Variants in SKI observed in about 807,000 individuals in gnomAD.
The protein encoded by SKI is ski oncogene.
A neutral mutation model predicts 59.3 loss-of-function variants in SKI; 23 were observed. That is an observed-to-expected ratio of 0.39 (90% CI 0.28 to 0.55). The LOEUF (loss-of-function observed/expected upper bound fraction) is 0.55. Among genes scored for constraint, SKI ranks in the 20% least tolerant of loss-of-function variants. SKI has a pLI of 0.67. For missense variants in SKI, 1,017 were observed against 1,038.9 expected, an observed-to-expected ratio of 0.98 and a Z score of 0.29; for synonymous variants, 673 against 488.6, an observed-to-expected ratio of 1.38 and a Z score of -4.98.
chr1:2,300,890 C>A (rs1640408107), intron 1 of SKI, among the ~76,000 whole-genome samples: 1 of 152,180 alleles, frequency 6.6e-6, no homozygotes, highest in African/African-American at 2.4e-5. Context: ...GCTCGGGGCC[C>A]CGGGCCTACG....
intron 5 of SKI, among the ~76,000 whole-genome samples, chr1:2,305,651 CAGAT>C (rs1410693246): frequency 2.0e-5 from 3 of 152,134 alleles, no homozygotes; most frequent in Non-Finnish European, 4.4e-5. Context: ...CCGGGGCCCT[CAGAT>C]GGTGCGATGT....
rs1327561382 is a variant in SKI at position 2,229,510 on chromosome 1, G to C, written c.744G>C (p.Leu248=). The C allele has an allele frequency of 6.2e-7, 1 of 1,611,678 alleles. No homozygotes were observed. ...CGAGCGCCGCCTGCATCCAGTGCCT[G>C]GACTGCCGCCTCATGTACCCGCCGC... ...SSPSAACIQC[L]DCRLMYPPHK... is the part of the protein sequence containing the mutation. The change falls in exon 1 of 7, where the codon CTG becomes CTC. Residue 248 remains leucine (L), a synonymous_variant. Coordinates refer to ENST00000378536, the MANE Select transcript of SKI (RefSeq NM_003036.4). This position sits in a 1 kb window ranked among gnomAD's most constrained non-coding sequence, Gnocchi z 6.3.
At chr1:2,273,299 G>A (rs1023682244) in intron 1 of SKI, among the ~76,000 whole-genome samples, 1 of 152,008 alleles carries the variant, frequency 6.6e-6, no homozygotes, top group African/African-American at 2.4e-5. Flanking sequence ...TGTCCTGGCC[G>A]GCCACTCCTC....
In SKI at chr1:2,302,553, G is replaced by A. The variant is rs563251444; in HGVS notation, c.970-425G>A. ...TGGCTGGTTGAGCTGAGTGCCCAGCGCTGGGCACCCTCTGAGGACACACTC... is the reference window on the plus strand; with the variant it reads ...TGGCTGGTTGAGCTGAGTGCCCAGCACTGGGCACCCTCTGAGGACACACTC... On this transcript the variant is annotated intron_variant, in intron 1 of 6. Coordinates refer to ENST00000378536, the MANE Select transcript of SKI (RefSeq NM_003036.4). Among the ~76,000 whole-genome samples the A allele has an allele frequency of 3.9e-5, 6 of 152,100 alleles. No individual in the cohort carries two copies. In the South Asian group the frequency reaches 8.3e-4, roughly 21 times the overall value.
At chr1:2,305,226 T>C (rs1640539677) in intron 5 of SKI, among the ~76,000 whole-genome samples, 1 of 152,128 alleles carries the variant, frequency 6.6e-6, no homozygotes, top group Non-Finnish European at 1.5e-5. Flanking sequence ...CCTTTTACGT[T>C]GTTTAGGTTT....
Position 2,228,949 on chromosome 1 carries a change from G to GGCGCCGGTGCCC in SKI, c.186_197dup (p.Pro63_Ala66dup). 1.4e-6 allele frequency: 2 copies of GGCGCCGGTGCCC among 1,395,612 alleles called. No homozygotes were observed. Among genetic ancestry groups the GGCGCCGGTGCCC allele is most frequent in the Non-Finnish European group, 1.9e-6 (2 of 1,076,254 alleles). 86.5% of individuals were successfully genotyped at this position (1,395,612 alleles called of 1,614,324 possible). A position where few individuals can be genotyped will look rare whatever the true frequency, so the allele number is the denominator to read the frequency against. ...AGGAGGCGGGCGCGGCCGCGGTGCC[G>GGCGCCGGTGCCC]GCGCCGGTGCCCGCAGCCACCGAGC... On this transcript the variant is annotated inframe_insertion, in exon 1 of 7. Coordinates refer to ENST00000378536, the MANE Select transcript of SKI (RefSeq NM_003036.4).
intron 1 of SKI, among the ~76,000 whole-genome samples, chr1:2,277,545 C>T (rs1025936078): frequency 6.6e-6 from 1 of 152,222 alleles, no homozygotes; most frequent in South Asian, 2.1e-4. Flanking sequence ...TCTGAGGCTT[C>T]CCCAGCCATG....
chr1:2,306,791 G>C lies in SKI; in HGVS notation c.*26G>C. The stretch of plus-strand genomic sequence containing the variant: ...ATTCCGTGCCTGCCGCCGCAGCGCC[G>C]CCGACAACGCGGGTGCAGGGGGGCG... On this transcript the variant is annotated 3_prime_UTR_variant, in exon 7 of 7. Coordinates refer to ENST00000378536, the MANE Select transcript of SKI (RefSeq NM_003036.4). The C allele has an allele frequency of 6.8e-7, 1 of 1,468,154 alleles. No homozygotes were observed. The highest frequency in any genetic ancestry group is 9.0e-7 in the Non-Finnish European group (1 of 1,112,402). The allele number at this position is 1,468,154 out of a possible 1,614,324, so 90.9% of individuals were successfully genotyped here.
chr1:2,303,621 GC>G lies in SKI; in HGVS notation c.1212-218del. ...TCGTGGGTGGAGCCCTGTCTGCTGG[GC>G]GCAGCTTCTTGATGTGTTGGCCTGT... On this transcript the variant is annotated intron_variant, in intron 3 of 6. Coordinates refer to ENST00000378536, the MANE Select transcript of SKI (RefSeq NM_003036.4). This position sits in a 1 kb window ranked among gnomAD's most constrained non-coding sequence, Gnocchi z 5.6. The G allele has an allele frequency of 1.4e-6, 1 of 710,434 alleles. No individual in the cohort carries two copies. Among genetic ancestry groups the G allele is most frequent in the African/African-American group, 1.8e-5 (1 of 56,150 alleles). 44.0% of individuals were successfully genotyped at this position (710,434 alleles called of 1,614,324 possible). A position where few individuals can be genotyped will look rare whatever the true frequency, so the allele number is the denominator to read the frequency against.
At chr1:2,255,671 G>C (rs764637720) in intron 1 of SKI, among the ~76,000 whole-genome samples, 1 of 151,294 alleles carries the variant, frequency 6.6e-6, no homozygotes, top group Non-Finnish European at 1.5e-5. Flanking sequence ...CTCATTTCCT[G>C]TCTGGATCTC....
intron 1 of SKI, among the ~76,000 whole-genome samples, chr1:2,274,569 G>A (rs1475032793): frequency 6.6e-6 from 1 of 152,164 alleles, no homozygotes; most frequent in African/African-American, 2.4e-5. Flanking sequence ...GTCCACTCCT[G>A]CCCCATGGCA....
Position 2,303,317 on chromosome 1 carries a change from C to T in SKI, c.1128C>T (p.Leu376=), listed in dbSNP as rs773793743. ...SLGCVHPRQR[L]SAFRPWSPAV... ...GCTGTGTTCACCCTCGCCAGCGCCT[C>T]TCTGCTTTCCGACCCTGGTCCCCCG... The change falls in exon 3 of 7, where the codon CTC becomes CTT. Residue 376 remains leucine (L), a synonymous_variant. Coordinates refer to ENST00000378536, the MANE Select transcript of SKI (RefSeq NM_003036.4). This position sits in a 1 kb window ranked among gnomAD's most constrained non-coding sequence, Gnocchi z 5.6. 2 of 1,613,742 alleles carry T rather than the reference C, an allele frequency of 1.2e-6. No homozygotes were observed. Among genetic ancestry groups the T allele is most frequent in the Non-Finnish European group, 1.7e-6 (2 of 1,180,038 alleles).
rs1639559479 is a variant in SKI at position 2,269,041 on chromosome 1, T to G, written c.970-33937T>G. 6.6e-6 allele frequency among the ~76,000 whole-genome samples: 1 copy of G among 152,196 alleles called. No homozygotes were observed. The highest frequency in any genetic ancestry group is 2.4e-5 in the African/African-American group (1 of 41,448). Reference sequence around the variant, plus strand: ...GTCTTGCGGCCTCAACCTTGTTGGTTCAAGTGATCCTCCCACCTCAGCCTC... The same window carrying G: ...GTCTTGCGGCCTCAACCTTGTTGGTGCAAGTGATCCTCCCACCTCAGCCTC... On this transcript the variant is annotated intron_variant, in intron 1 of 6. Transcript: ENST00000378536. The surrounding 1 kb of genome is among the most constrained non-coding windows in gnomAD (Gnocchi z 4.7).
chr1:2,245,951 C>G (rs1288887986), intron 1 of SKI, among the ~76,000 whole-genome samples: 2 of 151,754 alleles, frequency 1.3e-5, no homozygotes, highest in African/African-American at 2.4e-5. Flanking sequence ...TGTGTGCCAC[C>G]ACACCTGGCT....
Position 2,270,467 on chromosome 1 carries a change from G to C in SKI, c.970-32511G>C, listed in dbSNP as rs1639592544. 1.3e-5 allele frequency among the ~76,000 whole-genome samples: 2 copies of C among 152,206 alleles called. No individual in the cohort carries two copies. Among genetic ancestry groups the C allele is most frequent in the African/African-American group, 2.4e-5 (1 of 41,464 alleles). On this transcript the variant is annotated intron_variant, in intron 1 of 6. Coordinates refer to ENST00000378536, the MANE Select transcript of SKI (RefSeq NM_003036.4). This position sits in a 1 kb window ranked among gnomAD's most constrained non-coding sequence, Gnocchi z 4.1. ...CCTGGGCTTTGTCCCGTTTACGAGAGGTCAGGCGGTCACAGGGTAATGGGA... is the reference window on the plus strand; with the variant it reads ...CCTGGGCTTTGTCCCGTTTACGAGACGTCAGGCGGTCACAGGGTAATGGGA...
At chr1:2,254,619 G>C (rs527506192) in intron 1 of SKI, among the ~76,000 whole-genome samples, 1 of 152,230 alleles carries the variant, frequency 6.6e-6, no homozygotes, top group Non-Finnish European at 1.5e-5. Context: ...ACTTGTGGCC[G>C]TCACCACTAT....
intron 1 of SKI, among the ~76,000 whole-genome samples, chr1:2,239,035 C>T (rs1363671704): frequency 6.6e-6 from 1 of 152,180 alleles, no homozygotes; most frequent in Non-Finnish European, 1.5e-5. Context: ...GCAGTGCCTT[C>T]GCTCTGCCTC....
At chr1:2,278,792 C>T (rs1355288890) in intron 1 of SKI, among the ~76,000 whole-genome samples, 1 of 152,096 alleles carries the variant, frequency 6.6e-6, no homozygotes, top group Non-Finnish European at 1.5e-5. Context: ...CTTGCAGTCC[C>T]TGGGCAGGCA....
intron 1 of SKI, among the ~76,000 whole-genome samples, chr1:2,266,975 C>T (rs1469974807): frequency 1.3e-5 from 2 of 152,174 alleles, no homozygotes; most frequent in African/African-American, 4.8e-5. Context: ...CGCTCCGTGG[C>T]AGCAGGTTTA....
Sources: gnomAD v4.1 joint callset for allele counts (sites outside exome capture counted in the v4.1 genomes callset) on GRCh38, gnomAD v4.1.1 for gene constraint, Gnocchi (gnomAD v3.1) non-coding constraint, MANE v1.5 for transcripts, NCBI Gene and HGNC (gene_info 2026-07-23, HGNC 2026-07-21) for gene names.